Variants in UBAP2 observed in about 807,000 individuals in gnomAD.
The protein encoded by UBAP2 is ubiquitin-associated protein 2.
A neutral mutation model predicts 139.6 loss-of-function variants in UBAP2; 75 were observed. The observed-to-expected ratio is 0.54, with a 90% confidence interval of 0.45 to 0.65. The LOEUF (loss-of-function observed/expected upper bound fraction) is 0.65, where lower values mean the gene tolerates loss of function less well. UBAP2 is among the 30% of genes least tolerant of loss of function. UBAP2 has a pLI of 0.00. For synonymous variants in UBAP2, 526 were observed against 526.2 expected (o/e 1.00, Z 0.01); for missense variants, 1,368 against 1,369.6 (o/e 1.00, Z 0.02).
intron 7 of UBAP2, 148 bp from the exon 8 acceptor site, chr9:33,971,902 A>G (rs182002819): frequency 3.5e-6 from 2 of 571,060 alleles, no homozygotes; most frequent in Non-Finnish European, 6.3e-6. Flanking sequence ...CTATTTAAAT[A>G]TAACTAATTC....
At chr9:34,046,920 G>T (rs1242988398) in intron 1 of UBAP2, among the ~76,000 whole-genome samples, 1 of 152,126 alleles carries the variant, frequency 6.6e-6, no homozygotes, top group Non-Finnish European at 1.5e-5. Context: ...TAGTAACCAG[G>T]AAAGGGAAGC....
chr9:33,928,171 T>G, intron 19 of UBAP2, 179 bp from the exon 20 acceptor site: 1 of 581,138 alleles, frequency 1.7e-6, no homozygotes, highest in East Asian at 2.9e-5. Context: ...GCCCCTCACA[T>G]AGCAGCTGGT....
chr9:33,968,193 G>A, intron 8 of UBAP2: 1 of 614,644 alleles, frequency 1.6e-6, no homozygotes, highest in Non-Finnish European at 3.2e-6. Context: ...GGGATATTTG[G>A]TGCATTCGAT....
intron 22 of UBAP2, among the ~76,000 whole-genome samples, chr9:33,925,114 C>A (rs1055622025): frequency 1.1e-4 from 16 of 152,120 alleles, no homozygotes; most frequent in African/African-American, 3.9e-4. Context: ...ACCTGACCCT[C>A]ACTCACCATC....
chr9:33,963,666 A>C, intron 9 of UBAP2, 60 bp downstream of exon 9: 1 of 1,014,738 alleles, frequency 9.9e-7, no homozygotes. Flanking sequence ...AAAATGAAAG[A>C]TATTGCAAGC....
In UBAP2 at chr9:34,010,361, T is replaced by C. The variant is rs1309555688; in HGVS notation, c.99+6689A>G. ...ATCACTTGAACCTGGGAGATGGAGG[T>C]TGCAGTGAGCCCAGATCGCGCCACT... On this transcript the variant is annotated intron_variant, in intron 2 of 28. Transcript: ENST00000379238. Among the ~76,000 whole-genome samples the C allele has an allele frequency of 1.4e-5, 2 of 145,400 alleles. 1 individual carries two copies. The highest frequency in any genetic ancestry group is 4.3e-4 in the South Asian group (2 of 4,660).
intron 19 of UBAP2, among the ~76,000 whole-genome samples, chr9:33,929,900 A>T (rs941789899): frequency 6.6e-6 from 1 of 152,140 alleles, no homozygotes; most frequent in Admixed American, 6.5e-5. Context: ...GCTACTAGGG[A>T]GGCTGAGGCA....
At chr9:33,932,852 T>A (rs1475040894) in intron 18 of UBAP2, among the ~76,000 whole-genome samples, 1 of 152,156 alleles carries the variant, frequency 6.6e-6, no homozygotes, top group Non-Finnish European at 1.5e-5. Flanking sequence ...CCAGCTTCCC[T>A]CAACGACATC....
chr9:33,974,229 T>C (rs1828123612), intron 6 of UBAP2, among the ~76,000 whole-genome samples: 1 of 152,012 alleles, frequency 6.6e-6, no homozygotes, highest in Non-Finnish European at 1.5e-5. Context: ...ACATATTGGC[T>C]AGGCACGGTG....
chr9:34,012,019 C>T (rs1007829585), intron 2 of UBAP2, among the ~76,000 whole-genome samples: 3 of 152,090 alleles, frequency 2.0e-5, no homozygotes, highest in East Asian at 1.9e-4. Flanking sequence ...TAAGCCTGTA[C>T]TCATTAATGT....
At chr9:33,977,559 C>T (rs1422109916) in intron 6 of UBAP2, among the ~76,000 whole-genome samples, 3 of 152,074 alleles carry the variant, frequency 2.0e-5, no homozygotes, top group East Asian at 1.9e-4. Flanking sequence ...CCAAGTCCAA[C>T]GTTTCCAAAG....
chr9:33,983,572 A>G (rs1485022921), intron 6 of UBAP2, among the ~76,000 whole-genome samples: 1 of 152,196 alleles, frequency 6.6e-6, no homozygotes, highest in Admixed American at 6.5e-5. Flanking sequence ...TTGGTCTTAT[A>G]CTGTGACCGC....
chr9:34,025,379 T>C (rs1193060213), intron 1 of UBAP2, among the ~76,000 whole-genome samples: 1 of 152,108 alleles, frequency 6.6e-6, no homozygotes, highest in East Asian at 1.9e-4. Flanking sequence ...CTAAAAATAA[T>C]CCAGTAGAAA....
At chr9:34,008,726 G>A (rs1445137930) in intron 2 of UBAP2, among the ~76,000 whole-genome samples, 1 of 151,984 alleles carries the variant, frequency 6.6e-6, no homozygotes, top group East Asian at 1.9e-4. Flanking sequence ...CAGCACTTTG[G>A]TAGGCTGAGG....
At chr9:33,944,314 T>G (rs766411093) in intron 14 of UBAP2, 51 bp downstream of exon 14, 2 of 1,594,204 alleles carry the variant, frequency 1.3e-6, no homozygotes, top group African/African-American at 2.7e-5. Context: ...TAGAGCTGAA[T>G]GTAAAAATAA....
At chr9:33,971,554 C>T (rs1827917429) in intron 8 of UBAP2, 97 bp downstream of exon 8, 2 of 762,602 alleles carry the variant, frequency 2.6e-6, no homozygotes, top group Non-Finnish European at 4.6e-6. Flanking sequence ...TCATTCTTTT[C>T]CATCAGCACA....
At chr9:33,938,410 C>T (rs968829760) in intron 16 of UBAP2, among the ~76,000 whole-genome samples, 1 of 152,124 alleles carries the variant, frequency 6.6e-6, no homozygotes, top group Non-Finnish European at 1.5e-5. Flanking sequence ...GGGTTCCAGA[C>T]ATAAGCCACC....
intron 1 of UBAP2, among the ~76,000 whole-genome samples, chr9:34,023,411 A>G (rs1825131794): frequency 1.3e-5 from 2 of 152,202 alleles, no homozygotes; most frequent in African/African-American, 4.8e-5. Context: ...CTATAACCAA[A>G]CATTTTGATA....
chr9:33,930,626 G>A (rs559890891), intron 19 of UBAP2, among the ~76,000 whole-genome samples: 40 of 152,208 alleles, frequency 2.6e-4, no homozygotes, highest in Non-Finnish European at 5.4e-4. Flanking sequence ...GGCCGGGCGC[G>A]GTGGTTCACG....
Sources: gnomAD v4.1 joint callset for allele counts (sites outside exome capture counted in the v4.1 genomes callset) on GRCh38, gnomAD v4.1.1 for gene constraint, MANE v1.5 for transcripts, NCBI Gene and HGNC (gene_info 2026-07-23, HGNC 2026-07-21) for gene names.